Variants in TKTL2 observed in about 807,000 individuals in gnomAD.
TKTL2 encodes the protein transketolase like 2, also known as transketolase-like protein 2.
For synonymous variants in TKTL2, 259 were observed against 294.1 expected (o/e 0.88, Z 1.22); for missense variants, 825 against 799.4 (o/e 1.03, Z -0.39).
In TKTL2 at chr4:163,473,077, G is replaced by C; in HGVS notation, c.658C>G (p.His220Asp). The change falls in exon 1 of 1, where the codon CAT becomes GAT. Residue 220 changes from histidine to aspartate, a missense_variant. His to Asp is a moderately conservative substitution (Grantham distance 81). Transcript: ENST00000280605. ...GCTTGGCACAAGGCCTCCACATCAT[G>C]GCCATCCACTAAGTAAGTATTCCAT... ...FGWNTYLVDG[H>D]DVEALCQAFW... 1 of 1,614,090 alleles carries C rather than the reference G, an allele frequency of 6.2e-7. No homozygotes were observed. The highest frequency in any genetic ancestry group is 8.5e-7 in the Non-Finnish European group (1 of 1,180,032).
rs1560904820 is a variant in TKTL2, at chr4:163,473,662, TC to T, written c.72del (p.Ile25SerfsTer33). The T allele has an allele frequency of 2.5e-6, 4 of 1,614,108 alleles. No individual in the cohort carries two copies. The highest frequency in any genetic ancestry group is 3.4e-6 in the Non-Finnish European group (4 of 1,180,018). On this transcript the variant is annotated frameshift_variant, in exon 1 of 1. Coordinates refer to ENST00000280605, the MANE Select transcript of TKTL2 (RefSeq NM_032136.5). LOFTEE classifies it low-confidence loss of function (END_TRUNC). ...GCACACGTGGCCCTGATGGAATGGA[TC>T]CGCAGGCGGTTGGCTGTGTCCCGCA... ...QVLRDTANRL[R>X]IHSIRATCAS...
chr4:163,473,506 C>T lies in TKTL2; in HGVS notation c.229G>A (p.Gly77Arg), dbSNP rs764662255. 3 of 1,613,948 alleles carry T rather than the reference C, an allele frequency of 1.9e-6. No individual in the cohort carries two copies. Among genetic ancestry groups the T allele is most frequent in the Admixed American group, 3.3e-5 (2 of 59,984 alleles). Residue 77 changes from glycine to arginine, a missense_variant, in exon 1 of 1, where the codon GGA (glycine) becomes AGA (arginine). Coordinates refer to ENST00000280605, the MANE Select transcript of TKTL2 (RefSeq NM_032136.5). Reference sequence around the variant, plus strand: ...GCATAGAGGATAGGAGCAGCATGTCCCCTGGAGAGGATGAACCGGTCGTTG... The same window carrying T: ...GCATAGAGGATAGGAGCAGCATGTCTCCTGGAGAGGATGAACCGGTCGTTG... ...PDNDRFILSR[G>R]HAAPILYAAW...
At position 163,471,750 on chromosome 4, in the gene TKTL2, G is replaced by C; in HGVS notation, c.*104C>G. The stretch of plus-strand genomic sequence containing the variant: ...TTAAAAGAAACAGTACAACTGTATA[G>C]GTATAAATAATGGTTTTGTGACAAT... On this transcript the variant is annotated 3_prime_UTR_variant, in exon 1 of 1. Coordinates refer to ENST00000280605, the MANE Select transcript of TKTL2 (RefSeq NM_032136.5). 1.1e-6 allele frequency: 1 copy of C among 891,626 alleles called. No individual in the cohort carries two copies. Among genetic ancestry groups the C allele is most frequent in the African/African-American group, 1.7e-5 (1 of 59,412 alleles). 55.2% of individuals were successfully genotyped at this position (891,626 alleles called of 1,614,324 possible). A position where few individuals can be genotyped will look rare whatever the true frequency, so the allele number is the denominator to read the frequency against.
rs1737185652 is a variant in TKTL2 at position 163,472,486 on chromosome 4, T to A, written c.1249A>T (p.Ile417Phe). The change falls in exon 1 of 1, where the codon ATT becomes TTT. Residue 417 changes from isoleucine (I) to phenylalanine (F), a missense_variant. Transcript: ENST00000280605. ...GAISQANINLIGSHCGVSTGE... is the reference protein window; with the variant it reads ...GAISQANINLFGSHCGVSTGE... ...GTGGATACCCCACAGTGGGAACCAA[T>A]AAGGTTGATATTGGCTTGAGAAATG... 1 of 1,614,136 alleles carries A rather than the reference T, an allele frequency of 6.2e-7. No homozygotes were observed. Among genetic ancestry groups the A allele is most frequent in the Non-Finnish European group, 8.5e-7 (1 of 1,180,024 alleles).
rs1017382463 is a variant in TKTL2, at chr4:163,473,608, A to C, written c.127T>G (p.Cys43Gly). ...ACAGACACGACCTCCGCTGCACTGC[A>C]GCACGACGTGAGCTGGCCAGAACCA... ...ASGSGQLTSC[C>G]SAAEVVSVLF... Residue 43 changes from cysteine to glycine, a missense_variant, in exon 1 of 1, where the codon TGC becomes GGC. By Grantham distance (159) the Cys-to-Gly change is radical. Coordinates refer to ENST00000280605, the MANE Select transcript of TKTL2 (RefSeq NM_032136.5). 2.5e-6 allele frequency: 4 copies of C among 1,614,198 alleles called. No homozygotes were observed. Among genetic ancestry groups the C allele is most frequent in the Non-Finnish European group, 3.4e-6 (4 of 1,180,030 alleles).
rs1049618834 is a variant in TKTL2 at position 163,471,587 on chromosome 4, T to C, written c.*267A>G. ...ATCAGAAATATTTGTATTAGGTAGT[T>C]GTTTTATTTCCTATTCTATTGCTTA... is the stretch of plus-strand genomic sequence containing the variant. On this transcript the variant is annotated 3_prime_UTR_variant, in exon 1 of 1. Coordinates refer to ENST00000280605, the MANE Select transcript of TKTL2 (RefSeq NM_032136.5). 5.8e-5 allele frequency: 15 copies of C among 259,524 alleles called. No homozygotes were observed. Among genetic ancestry groups the C allele is most frequent in the African/African-American group, 3.3e-4 (15 of 45,460 alleles). 16.1% of individuals were successfully genotyped at this position (259,524 alleles called of 1,614,324 possible).
rs1333218957 is a variant in TKTL2, at chr4:163,473,468, C to T, written c.267G>A (p.Glu89=). 3.7e-6 allele frequency: 6 copies of T among 1,614,030 alleles called. No individual in the cohort carries two copies. The highest frequency in any genetic ancestry group is 4.2e-6 in the Non-Finnish European group (5 of 1,180,032). Residue 89 remains glutamate (E), a synonymous_variant, in exon 1 of 1, where the codon GAG becomes GAA. Coordinates refer to ENST00000280605, the MANE Select transcript of TKTL2 (RefSeq NM_032136.5). ...AGTCAGATTCACTGATGTCACCCACCTCCACCCAAGCAGCATAGAGGATAG... is the reference window on the plus strand; with the variant it reads ...AGTCAGATTCACTGATGTCACCCACTTCCACCCAAGCAGCATAGAGGATAG... ...AAPILYAAWV[E]VGDISESDLL...
rs1327792744 is a variant in TKTL2, at chr4:163,473,320, T to G, written c.415A>C (p.Thr139Pro). Residue 139 changes from threonine (T) to proline (P), a missense_variant, in exon 1 of 1, where the codon ACT becomes CCT. Coordinates refer to ENST00000280605, the MANE Select transcript of TKTL2 (RefSeq NM_032136.5). ...GLGTACGMAY[T>P]GKYLDKASYR... ...CTGGCCTTGTCAAGGTACTTGCCAG[T>G]ATAAGCCATTCCACATGCAGTACCT... 1.9e-6 allele frequency: 3 copies of G among 1,613,994 alleles called. No individual in the cohort carries two copies. Among genetic ancestry groups the G allele is most frequent in the Non-Finnish European group, 2.5e-6 (3 of 1,180,006 alleles).
chr4:163,471,774 A>G lies in TKTL2; in HGVS notation c.*80T>C. On this transcript the variant is annotated 3_prime_UTR_variant, in exon 1 of 1. Coordinates refer to ENST00000280605, the MANE Select transcript of TKTL2 (RefSeq NM_032136.5). ...AGGTATAAATAATGGTTTTGTGACA[A>G]TAAACATGAATTTAATACAAAGATA... 3.4e-6 allele frequency: 4 copies of G among 1,190,142 alleles called. No individual in the cohort carries two copies. The highest frequency in any genetic ancestry group is 4.6e-6 in the Non-Finnish European group (4 of 860,426). 73.7% of individuals were successfully genotyped at this position (1,190,142 alleles called of 1,614,324 possible). A position where few individuals can be genotyped will look rare whatever the true frequency, so the allele number is the denominator to read the frequency against.
In TKTL2 at chr4:163,472,161, T is replaced by C. The variant is rs767302658; in HGVS notation, c.1574A>G (p.His525Arg). 6.2e-7 allele frequency: 1 copy of C among 1,614,260 alleles called. No homozygotes were observed. Among genetic ancestry groups the C allele is most frequent in the Non-Finnish European group, 8.5e-7 (1 of 1,180,050 alleles). Reference protein sequence around the residue: ...TLHEALEAADHLSQQGISVRV... With the variant: ...TLHEALEAADRLSQQGISVRV... ...GACAGAAATACCTTGTTGAGAAAGA[T>C]GGTCAGCAGCTTCTAAGGCTTCATG... Residue 525 changes from histidine (H) to arginine (R), a missense_variant, in exon 1 of 1, where the codon CAT becomes CGT. Physicochemically the swap from His to Arg is conservative, Grantham distance 29. Transcript: ENST00000280605.
Position 163,473,211 on chromosome 4 carries a change from T to C in TKTL2, c.524A>G (p.Asn175Ser), listed in dbSNP as rs766211275. The change falls in exon 1 of 1, where the codon AAC becomes AGC. Residue 175 changes from asparagine (N) to serine (S), a missense_variant. Physicochemically the swap from Asn to Ser is conservative, Grantham distance 46. Transcript: ENST00000280605. ...GAAGACCGCCACGAGATTGTCCAAG[T>C]TGTAGTGGGAGGCAAAAGCAAAAGC... ...WEAFAFASHY[N>S]LDNLVAVFDV... is the part of the protein sequence containing the mutation. 10 of 1,613,746 alleles carry C rather than the reference T, an allele frequency of 6.2e-6. No homozygotes were observed. The East Asian group carries it at 2.0e-4, about 32-fold the overall frequency.
At position 163,473,477 on chromosome 4, in the gene TKTL2, A is replaced by G; in HGVS notation, c.258T>C (p.Ala86=). 6.2e-7 allele frequency: 1 copy of G among 1,613,916 alleles called. No individual in the cohort carries two copies. The highest frequency in any genetic ancestry group is 8.5e-7 in the Non-Finnish European group (1 of 1,180,014). Residue 86 remains alanine, a synonymous_variant, in exon 1 of 1, where the codon GCT becomes GCC. Coordinates refer to ENST00000280605, the MANE Select transcript of TKTL2 (RefSeq NM_032136.5). ...RGHAAPILYA[A]WVEVGDISES... is the part of the protein sequence containing the mutation. ...CACTGATGTCACCCACCTCCACCCAAGCAGCATAGAGGATAGGAGCAGCAT... is the reference window on the plus strand; with the variant it reads ...CACTGATGTCACCCACCTCCACCCAGGCAGCATAGAGGATAGGAGCAGCAT...
rs746502311 is a variant in TKTL2, at chr4:163,471,864, A to G, written c.1871T>C (p.Leu624Ser). 1.7e-5 allele frequency: 26 copies of G among 1,515,002 alleles called. No homozygotes were observed. Among genetic ancestry groups the G allele is most frequent in the Admixed American group, 9.0e-5 (4 of 44,478 alleles). The allele number at this position is 1,515,002 out of a possible 1,614,324, so 93.8% of individuals were successfully genotyped here. A position where few individuals can be genotyped will look rare whatever the true frequency, so the allele number is the denominator to read the frequency against. Residue 624 changes from leucine (L) to serine (S), a missense_variant, in exon 1 of 1, where the codon TTA (leucine) becomes TCA (serine). By Grantham distance (145) the Leu-to-Ser change is moderately radical (BLOSUM62 -2). Transcript: ENST00000280605. The stretch of plus-strand genomic sequence containing the variant: ...AGAAATAAGCCTAGTTTACTTCATT[A>G]AAGTAAGTGTTACGGCTGCTATAAT... ...RHIIAAVTLTLMK is the reference protein window; with the variant it reads ...RHIIAAVTLTSMK
chr4:163,472,989 C>T lies in TKTL2; in HGVS notation c.746G>A (p.Gly249Asp), dbSNP rs762262123. 4 of 1,614,168 alleles carry T rather than the reference C, an allele frequency of 2.5e-6. No homozygotes were observed. In the Admixed American group the frequency reaches 6.7e-5, roughly 27 times the overall value. Reference sequence around the variant, plus strand: ...ATCCTCAATATTTGGAATACCCCGACCTTTGAAGGTCTTGGCAACTATAGC... The same window carrying T: ...ATCCTCAATATTTGGAATACCCCGATCTTTGAAGGTCTTGGCAACTATAGC... ...PTAIVAKTFKGRGIPNIEDAE... is the reference protein window; with the variant it reads ...PTAIVAKTFKDRGIPNIEDAE... Residue 249 changes from glycine (G) to aspartate (D), a missense_variant, in exon 1 of 1, where the codon GGT becomes GAT. By Grantham distance (94) the Gly-to-Asp change is moderately conservative. Coordinates refer to ENST00000280605, the MANE Select transcript of TKTL2 (RefSeq NM_032136.5).
In TKTL2 at chr4:163,473,309, G is replaced by A; in HGVS notation, c.426C>T (p.Tyr142=). 1 of 1,614,046 alleles carries A rather than the reference G, an allele frequency of 6.2e-7. No homozygotes were observed. The highest frequency in any genetic ancestry group is 1.6e-4 in the Middle Eastern group (1 of 6,062). The change falls in exon 1 of 1, where the codon TAC becomes TAT. Residue 142 remains tyrosine, a synonymous_variant. Transcript: ENST00000280605. ...TACGMAYTGK[Y]LDKASYRVFC... is the part of the protein sequence containing the mutation. ...ACACCCGGTAGCTGGCCTTGTCAAG[G>A]TACTTGCCAGTATAAGCCATTCCAC...
In TKTL2 at chr4:163,472,644, A is replaced by G. The variant is rs1737190518; in HGVS notation, c.1091T>C (p.Ile364Thr). The change falls in exon 1 of 1, where the codon ATA becomes ACA. Residue 364 changes from isoleucine to threonine, a missense_variant. By Grantham distance (89) the Ile-to-Thr change is moderately conservative (BLOSUM62 -1). Transcript: ENST00000280605. ...IFRKEHPERF[I>T]ECIIAEQNMV... is the part of the protein sequence containing the mutation. Reference sequence around the variant, plus strand: ...GTTTTGTTCAGCAATAATACACTCTATGAAACGCTCAGGGTGTTCTTTCCT... The same window carrying G: ...GTTTTGTTCAGCAATAATACACTCTGTGAAACGCTCAGGGTGTTCTTTCCT... 2 of 1,614,200 alleles carry G rather than the reference A, an allele frequency of 1.2e-6. No individual in the cohort carries two copies. Among genetic ancestry groups the G allele is most frequent in the South Asian group, 1.1e-5 (1 of 91,082 alleles).
rs565930006 is a variant in TKTL2 at position 163,472,630 on chromosome 4, C to T, written c.1105G>A (p.Ala369Thr). 3 of 1,614,172 alleles carry T rather than the reference C, an allele frequency of 1.9e-6. No individual in the cohort carries two copies. Among genetic ancestry groups the T allele is most frequent in the Non-Finnish European group, 2.5e-6 (3 of 1,180,032 alleles). Residue 369 changes from alanine to threonine, a missense_variant, in exon 1 of 1, where the codon GCT becomes ACT. Transcript: ENST00000280605. ...HPERFIECII[A>T]EQNMVSVALG... ...GCCACACTTACCATGTTTTGTTCAG[C>T]AATAATACACTCTATGAAACGCTCA...
rs1418675079 is a variant in TKTL2, at chr4:163,472,336, T to C, written c.1399A>G (p.Asn467Asp). ...STEHAIYLAA[N>D]TKGMCFIRTS... Reference sequence around the variant, plus strand: ...CGAATGAAGCACATTCCCTTGGTATTGGCGGCTAGATAAATAGCATGCTCT... The same window carrying C: ...CGAATGAAGCACATTCCCTTGGTATCGGCGGCTAGATAAATAGCATGCTCT... Residue 467 changes from asparagine (N) to aspartate (D), a missense_variant, in exon 1 of 1, where the codon AAT becomes GAT. Transcript: ENST00000280605. 6.2e-7 allele frequency: 1 copy of C among 1,601,060 alleles called. No homozygotes were observed. The highest frequency in any genetic ancestry group is 1.3e-5 in the African/African-American group (1 of 74,508).
At position 163,472,543 on chromosome 4, in the gene TKTL2, T is replaced by C. The variant is rs1560903979; in HGVS notation, c.1192A>G (p.Thr398Ala). 3 of 1,614,072 alleles carry C rather than the reference T, an allele frequency of 1.9e-6. No individual in the cohort carries two copies. The Admixed American group carries it at 5.0e-5, about 27-fold the overall frequency. ...AFAGAFAAFF[T>A]RAFDQLRMGA... ...ATTCGGAGCTGATCGAATGCTCTAG[T>C]AAAAAAGGCAGCAAAAGCACCAGCA... Residue 398 changes from threonine to alanine, a missense_variant, in exon 1 of 1, where the codon ACT (threonine) becomes GCT (alanine). By Grantham distance (58) the Thr-to-Ala change is moderately conservative. Transcript: ENST00000280605.
Sources: allele counts gnomAD v4.1 joint callset, GRCh38; gene constraint gnomAD v4.1.1; transcripts MANE v1.5; gene names NCBI Gene and HGNC (gene_info 2026-07-23, HGNC 2026-07-21).